The following SNX15 variants were observed in gnomAD, a reference collection of about 807,000 sequenced individuals.
The protein encoded by SNX15 is sorting nexin-15.
Under a neutral mutation model 35.2 loss-of-function variants are expected in SNX15, and 29 were observed. The ratio of observed to expected loss-of-function variants is 0.82; its 90% CI spans 0.61 to 1.12. SNX15 has a LOEUF of 1.12. Ranked by LOEUF, SNX15 falls within the 50% of genes most tolerant of loss-of-function variation. The pLI, the probability that SNX15 is intolerant of heterozygous loss-of-function variation, is 0.00. For missense variants in SNX15, 400 were observed against 451.5 expected, an observed-to-expected ratio of 0.89 and a Z score of 1.03; for synonymous variants, 189 against 188.2, an observed-to-expected ratio of 1.00 and a Z score of -0.03.
intron 1 of SNX15, among the ~76,000 whole-genome samples, chr11:65,031,057 C>G (rs1385525304): frequency 6.6e-6 from 1 of 151,588 alleles, no homozygotes; most frequent in Non-Finnish European, 1.5e-5. Context: ...GGGTCTCACT[C>G]TCTCCAGGCT....
intron 7 of SNX15, 66 bp from the exon 8 acceptor site, chr11:65,039,620 C>A: frequency 9.9e-7 from 1 of 1,009,178 alleles, no homozygotes; most frequent in Non-Finnish European, 1.5e-6. Flanking sequence ...TGTAAAGGAC[C>A]CGACCAGGGG....
intron 1 of SNX15, among the ~76,000 whole-genome samples, chr11:65,030,293 T>G (rs556025104): frequency 3.1e-4 from 46 of 148,680 alleles, no homozygotes; most frequent in Admixed American, 1.7e-3. Flanking sequence ...AGGCAGAGGT[T>G]GCAGTGAGCC....
At chr11:65,035,348 G>A in intron 5 of SNX15, 142 bp downstream of exon 5, 1 of 1,240,088 alleles carries the variant, frequency 8.1e-7, no homozygotes, top group Non-Finnish European at 1.1e-6. Flanking sequence ...CTTTGGGCAG[G>A]TCCTTTTCCT....
At chr11:65,033,141 G>A (rs1356414245) in intron 3 of SNX15, among the ~76,000 whole-genome samples, 3 of 151,708 alleles carry the variant, frequency 2.0e-5, no homozygotes, top group African/African-American at 7.3e-5. Context: ...TTCCCAAAGT[G>A]CTGGGATTAC....
intron 3 of SNX15, among the ~76,000 whole-genome samples, chr11:65,034,628 C>G (rs1466969940): frequency 6.6e-6 from 1 of 152,198 alleles, no homozygotes; most frequent in Non-Finnish European, 1.5e-5. Flanking sequence ...ATAGTAGGTG[C>G]TCAGTAAACA....
intron 6 of SNX15, chr11:65,035,954 T>C (rs1350818107): frequency 3.0e-6 from 1 of 332,228 alleles, no homozygotes; most frequent in African/African-American, 2.1e-5. Flanking sequence ...AAGAGCCGGG[T>C]CACACTGCTC....
intron 3 of SNX15, among the ~76,000 whole-genome samples, chr11:65,033,368 C>T (rs986498159): frequency 1.3e-5 from 2 of 151,760 alleles, no homozygotes; most frequent in Admixed American, 6.6e-5. Context: ...CGTGGTGAAA[C>T]CCCGTCCCTA....
At chr11:65,029,317 C>T (rs1441527883) in intron 1 of SNX15, among the ~76,000 whole-genome samples, 1 of 150,866 alleles carries the variant, frequency 6.6e-6, no homozygotes, top group African/African-American at 2.4e-5. Flanking sequence ...TCACCATGCC[C>T]AGCTAATATT....
chr11:65,034,795 G>C (rs6591869), intron 3 of SNX15, 52 bp from the exon 4 acceptor site: 38 of 1,435,396 alleles, frequency 2.6e-5, no homozygotes, highest in Non-Finnish European at 3.2e-5. Flanking sequence ...TGGGGCAGAA[G>C]CCCCTGTGGG....
chr11:65,036,185 G>T (rs1946499890), intron 6 of SNX15: 1 of 152,600 alleles, frequency 6.6e-6, no homozygotes, highest in Non-Finnish European at 1.5e-5. Context: ...AGGGTCCTGG[G>T]CACCTTCTTG....
chr11:65,036,089 C>A (rs2136937522), intron 6 of SNX15: 1 of 158,164 alleles, frequency 6.3e-6, no homozygotes, highest in African/African-American at 2.4e-5. Context: ...GCTCAAAGGG[C>A]AGCTGCAAAG....
chr11:65,035,919 G>A lies in SNX15; in HGVS notation c.664+256G>A, dbSNP rs376894425. On this transcript the variant is annotated intron_variant, in intron 6 of 7. Coordinates refer to ENST00000377244, the MANE Select transcript of SNX15 (RefSeq NM_013306.5). ...GAAAGGAGGCACTTCCCATGTTGGG[G>A]CCATCTCACTGAGAAGGCTTTGGAA... 1.1e-3 allele frequency: 430 copies of A among 390,964 alleles called. 3 individuals are homozygous for A. In the South Asian group the frequency reaches 0.014, roughly 13 times the overall value. The allele number at this position is 390,964 out of a possible 1,614,324, so 24.2% of individuals were successfully genotyped here. A position where few individuals can be genotyped will look rare whatever the true frequency, so the allele number is the denominator to read the frequency against.
intron 5 of SNX15, 40 bp from the exon 6 acceptor site, chr11:65,035,480 T>TA: frequency 6.5e-7 from 1 of 1,539,344 alleles, no homozygotes; most frequent in Non-Finnish European, 8.7e-7. Context: ...AGCTGAGAAA[T>TA]AAACGCAGGT....
Position 65,040,120 on chromosome 11 carries a change from G to T in SNX15, c.*328G>T. ...AGGTTCAAGCAGTTCTCCTGTCTCA[G>T]CCTCCCCAGTAGCTGAGATTGCAGG... On this transcript the variant is annotated 3_prime_UTR_variant, in exon 8 of 8. Coordinates refer to ENST00000377244, the MANE Select transcript of SNX15 (RefSeq NM_013306.5). 1 of 222,038 alleles carries T rather than the reference G, an allele frequency of 4.5e-6. No homozygotes were observed. The highest frequency in any genetic ancestry group is 9.1e-6 in the Non-Finnish European group (1 of 110,016). The allele number at this position is 222,038 out of a possible 1,614,324, so 13.8% of individuals were successfully genotyped here. A position where few individuals can be genotyped will look rare whatever the true frequency, so the allele number is the denominator to read the frequency against.
In SNX15 at chr11:65,027,603, C is replaced by T; in HGVS notation, c.66C>T (p.Pro22=). Residue 22 remains proline, a synonymous_variant, in exon 1 of 8, where the codon CCC becomes CCT. Coordinates refer to ENST00000377244, the MANE Select transcript of SNX15 (RefSeq NM_013306.5). ...CAGTGTCGGACCCCAGGACTCACCCCAAGGGCTACACCGAGTACAAAGTAA... is the reference window on the plus strand; with the variant it reads ...CAGTGTCGGACCCCAGGACTCACCCTAAGGGCTACACCGAGTACAAAGTAA... ...HYTVSDPRTH[P]KGYTEYKVTA... 6.2e-7 allele frequency: 1 copy of T among 1,614,098 alleles called. No individual in the cohort carries two copies. Among genetic ancestry groups the T allele is most frequent in the Non-Finnish European group, 8.5e-7 (1 of 1,179,982 alleles).
chr11:65,032,749 C>T (rs1946455403), intron 3 of SNX15, among the ~76,000 whole-genome samples, 198 bp downstream of exon 3: 1 of 152,312 alleles, frequency 6.6e-6, no homozygotes, highest in Middle Eastern at 3.4e-3. Context: ...GTGTATTTCA[C>T]CTTTTAACAT....
chr11:65,035,209 A>C lies in SNX15; in HGVS notation c.520+3A>C. Reference sequence around the variant, plus strand: ...CCTCGAGGAATTGGAGGTGCCAGGTACATCGGGGTGGGAGGAGGGAACCAG... The same window carrying C: ...CCTCGAGGAATTGGAGGTGCCAGGTCCATCGGGGTGGGAGGAGGGAACCAG... On this transcript the variant is annotated splice_donor_region_variant and intron_variant, in intron 5 of 7. Coordinates refer to ENST00000377244, the MANE Select transcript of SNX15 (RefSeq NM_013306.5). The C allele has an allele frequency of 6.4e-7, 1 of 1,572,374 alleles. No individual in the cohort carries two copies. Among genetic ancestry groups the C allele is most frequent in the South Asian group, 1.2e-5 (1 of 84,780 alleles).
In SNX15 at chr11:65,035,593, A is replaced by G. The variant is rs1163815974; in HGVS notation, c.594A>G (p.Ala198=). ...TTAACTGTGAGAGCACCGAGGAGGC[A>G]TCTGGTTCCCCTGCCCGAGGCCCCC... is the stretch of plus-strand genomic sequence containing the variant. ...LLFNCESTEE[A]SGSPARGPLT... is the part of the protein sequence containing the mutation. The change falls in exon 6 of 8, where the codon GCA becomes GCG. Residue 198 remains alanine, a synonymous_variant. Transcript: ENST00000377244. 5 of 1,613,934 alleles carry G rather than the reference A, an allele frequency of 3.1e-6. No individual in the cohort carries two copies. In the South Asian group the frequency reaches 3.3e-5, roughly 11 times the overall value.
At position 65,035,060 on chromosome 11, in the gene SNX15, G is replaced by T. The variant is rs1383061422; in HGVS notation, c.374G>T (p.Gly125Val). The T allele has an allele frequency of 3.1e-6, 5 of 1,613,514 alleles. No homozygotes were observed. The highest frequency in any genetic ancestry group is 1.3e-5 in the African/African-American group (1 of 74,882). ...ATGTCTGATCTTTCTGTCCTGCAGG[G>T]TGGGGAGGTGACCCGACCCTTGGAG... ...NSPQLKEFFR[G>V]GEVTRPLEVS... is the part of the protein sequence containing the mutation. Residue 125 changes from glycine (G) to valine (V), a missense_variant and splice_region_variant, in exon 5 of 8, where the codon GGT becomes GTT. Transcript: ENST00000377244.
Sources: gnomAD v4.1 joint callset for allele counts (sites outside exome capture counted in the v4.1 genomes callset) on GRCh38, gnomAD v4.1.1 for gene constraint, MANE v1.5 for transcripts, NCBI Gene and HGNC (gene_info 2026-07-23, HGNC 2026-07-21) for gene names.